The following ARHGEF6 variants were observed in gnomAD, a reference collection of about 807,000 sequenced individuals.
The protein encoded by ARHGEF6 is rho guanine nucleotide exchange factor 6.
Under a neutral mutation model 70.3 loss-of-function variants are expected in ARHGEF6, and 9 were observed. That is an observed-to-expected ratio of 0.13 (90% CI 0.08 to 0.22). The LOEUF is 0.22. Among genes scored for constraint, ARHGEF6 ranks in the 10% least tolerant of loss-of-function variants. ARHGEF6 has a pLI of 1.00. For synonymous variants in ARHGEF6, 201 were observed against 207.8 expected, an observed-to-expected ratio of 0.97 and a Z score of 0.28; for missense variants, 470 against 563.0, an observed-to-expected ratio of 0.83 and a Z score of 1.67.
At chrX:136,704,076 GA>G (rs748592152) in intron 9 of ARHGEF6, among the ~76,000 whole-genome samples, 76 of 112,233 alleles carry the variant, frequency 6.8e-4, no homozygotes, top group Non-Finnish European at 1.3e-3. Flanking sequence ...ACTCAACAAT[GA>G]AAAGATAGCT....
At position 136,730,341 on chromosome X, in the gene ARHGEF6, A is replaced by G. The variant is rs1302549141; in HGVS notation, c.732+1761T>C. ...CACAGATTAGGAGGACAATCAGAACACTCAAAACATATTTTGAATTAATTG... is the reference window on the plus strand; with the variant it reads ...CACAGATTAGGAGGACAATCAGAACGCTCAAAACATATTTTGAATTAATTG... On this transcript the variant is annotated intron_variant, in intron 6 of 21. Transcript: ENST00000250617. Among the ~76,000 whole-genome samples, 4 of 111,483 alleles carry G rather than the reference A, an allele frequency of 3.6e-5. No individual in the cohort carries two copies. In the Admixed American group the frequency reaches 3.8e-4, roughly 11 times the overall value.
intron 17 of ARHGEF6, among the ~76,000 whole-genome samples, chrX:136,677,073 G>A (rs372391850): frequency 8.9e-6 from 1 of 112,136 alleles, no homozygotes; most frequent in South Asian, 3.7e-4. Context: ...TTTGGTTTAC[G>A]TTCCCCACTG....
chrX:136,734,491 G>T (rs1314018725), intron 5 of ARHGEF6, among the ~76,000 whole-genome samples: 1 of 111,993 alleles, frequency 8.9e-6, no homozygotes, highest in Admixed American at 9.4e-5. Context: ...TAACTATTAA[G>T]GAAATTGAAC....
intron 5 of ARHGEF6, among the ~76,000 whole-genome samples, chrX:136,739,005 C>T (rs2077016030): frequency 9.0e-6 from 1 of 111,350 alleles, no homozygotes; most frequent in African/African-American, 3.3e-5. Flanking sequence ...TCCCTGAAAT[C>T]CATCCCCCAC....
chrX:136,707,668 C>T (rs906092359), intron 8 of ARHGEF6, among the ~76,000 whole-genome samples: 5 of 111,652 alleles, frequency 4.5e-5, no homozygotes, highest in Admixed American at 1.9e-4. Flanking sequence ...CTGCCCTTCT[C>T]GCTTAGTGAA....
intron 17 of ARHGEF6, 25 bp downstream of exon 17, chrX:136,677,911 G>A (rs771016461): frequency 1.3e-5 from 15 of 1,173,444 alleles, no homozygotes; most frequent in Non-Finnish European, 1.7e-5. Context: ...GTCACTGTAA[G>A]CCAAAGATAT....
intron 5 of ARHGEF6, among the ~76,000 whole-genome samples, chrX:136,736,618 G>GATGTGTGTGTGT (rs58741198): frequency 2.9e-5 from 3 of 103,707 alleles, no homozygotes; most frequent in African/African-American, 1.1e-4. Flanking sequence ...GTTAAAAAGA[G>GATGTGTGTGTGT]GTGTGTGTGT....
At chrX:136,725,940 G>T (rs1211595856) in intron 6 of ARHGEF6, among the ~76,000 whole-genome samples, 2 of 112,199 alleles carry the variant, frequency 1.8e-5, no homozygotes, top group Non-Finnish European at 3.8e-5. Flanking sequence ...AGGCTTTAGA[G>T]TGAGTTTGTA....
intron 6 of ARHGEF6, among the ~76,000 whole-genome samples, chrX:136,726,698 C>T (rs2076856225): frequency 8.9e-6 from 1 of 112,429 alleles, no homozygotes; most frequent in South Asian, 3.7e-4. Context: ...TAGGCATCTA[C>T]CATTATGTTA....
chrX:136,767,150 C>T, intron 2 of ARHGEF6: 8 of 755,400 alleles, frequency 1.1e-5, no homozygotes, highest in Non-Finnish European at 1.3e-5. Flanking sequence ...TCACCTGGCT[C>T]GGCCGCTGCC....
chrX:136,712,323 G>A (rs1175426740), intron 7 of ARHGEF6, among the ~76,000 whole-genome samples: 2 of 111,630 alleles, frequency 1.8e-5, no homozygotes, highest in Admixed American at 9.5e-5. Flanking sequence ...ATGTTGGCCA[G>A]GCTGGTCTTG....
At chrX:136,709,466 C>G (rs747144261) in intron 7 of ARHGEF6, among the ~76,000 whole-genome samples, 1 of 112,797 alleles carries the variant, frequency 8.9e-6, no homozygotes, top group South Asian at 3.6e-4. Flanking sequence ...TTTAACCTTA[C>G]AATAACTCTT....
At chrX:136,690,861 T>C in intron 9 of ARHGEF6, 113 bp from the exon 10 acceptor site, 1 of 861,105 alleles carries the variant, frequency 1.2e-6, no homozygotes, top group Middle Eastern at 3.1e-4. Flanking sequence ...TAAAAATGTG[T>C]TTTACTAGTC....
intron 5 of ARHGEF6, among the ~76,000 whole-genome samples, chrX:136,741,019 T>C (rs906386338): frequency 8.9e-6 from 1 of 112,326 alleles, no homozygotes; most frequent in African/African-American, 3.2e-5. Flanking sequence ...TGATTCCCAG[T>C]AATTAAAAAT....
At chrX:136,741,232 T>C (rs976517233) in intron 5 of ARHGEF6, among the ~76,000 whole-genome samples, 2 of 111,850 alleles carry the variant, frequency 1.8e-5, no homozygotes, top group South Asian at 7.5e-4. Context: ...ATCTACATTA[T>C]ACAGCTGACC....
chrX:136,672,162 T>A, intron 19 of ARHGEF6, 43 bp from the exon 20 acceptor site: 1 of 969,449 alleles, frequency 1.0e-6, no homozygotes, highest in Non-Finnish European at 1.5e-6. Flanking sequence ...GGAGAGTTAC[T>A]AGTGAAGAGT....
At chrX:136,739,365 T>C (rs2077019982) in intron 5 of ARHGEF6, among the ~76,000 whole-genome samples, 1 of 112,124 alleles carries the variant, frequency 8.9e-6, no homozygotes, top group Admixed American at 9.5e-5. Flanking sequence ...AACAGTTAGT[T>C]CTGCACAGAC....
chrX:136,745,216 T>C lies in ARHGEF6; in HGVS notation c.459+7A>G, dbSNP rs1318959629. ...AAAACAGACGGAGAATTGGGGACTATACTTACCACTGTCTTTGACTGCCTT... is the reference window on the plus strand; with the variant it reads ...AAAACAGACGGAGAATTGGGGACTACACTTACCACTGTCTTTGACTGCCTT... On this transcript the variant is annotated splice_region_variant and intron_variant, in intron 4 of 21. Transcript: ENST00000250617. 1.7e-6 allele frequency: 2 copies of C among 1,211,812 alleles called. No homozygotes were observed. The highest frequency in any genetic ancestry group is 1.1e-6 in the Non-Finnish European group (1 of 895,359).
At chrX:136,715,631 C>G (rs975915178) in intron 6 of ARHGEF6, among the ~76,000 whole-genome samples, 5 of 110,198 alleles carry the variant, frequency 4.5e-5, no homozygotes, top group Non-Finnish European at 9.5e-5. Context: ...GGAACCAGCA[C>G]TAGGGCAGAA....
Sources: gnomAD v4.1 joint callset for allele counts (sites outside exome capture counted in the v4.1 genomes callset) on GRCh38, gnomAD v4.1.1 for gene constraint, MANE v1.5 for transcripts, NCBI Gene and HGNC (gene_info 2026-07-23, HGNC 2026-07-21) for gene names.